The following CYP46A1 variants were observed in gnomAD, a reference collection of about 807,000 sequenced individuals.
CYP46A1 encodes the protein cytochrome P450 family 46 subfamily A member 1.
CYP46A1 carries 20 observed loss-of-function variants against 63.3 expected under a neutral mutation model. The observed-to-expected ratio is 0.32, with a 90% CI of 0.22 to 0.46. The LOEUF is 0.46. CYP46A1 is among the 20% of genes least tolerant of loss of function. The pLI, the probability that CYP46A1 is intolerant of heterozygous loss-of-function variation, is 1.00. For synonymous variants in CYP46A1, 268 were observed against 273.6 expected, an observed-to-expected ratio of 0.98 and a Z score of 0.20; for missense variants, 445 against 670.8, an observed-to-expected ratio of 0.66 and a Z score of 3.72.
chr14:99,708,281 C>A (rs1330825084), intron 7 of CYP46A1: 1 of 181,458 alleles, frequency 5.5e-6, no homozygotes, highest in East Asian at 1.8e-4. Context: ...CCACATGCAT[C>A]ATCCACGGGC....
chr14:99,684,897 C>A, intron 1 of CYP46A1: 1 of 365,678 alleles, frequency 2.7e-6, no homozygotes, highest in South Asian at 2.1e-5. Flanking sequence ...GGTCAGCCTG[C>A]CTCCAAAGTG....
At chr14:99,719,930 T>A (rs762984012) in intron 10 of CYP46A1, among the ~76,000 whole-genome samples, 13 of 151,750 alleles carry the variant, frequency 8.6e-5, no homozygotes, top group Non-Finnish European at 1.5e-4. Flanking sequence ...CCTGGCTAAT[T>A]TTTTTTGTAT....
chr14:99,691,812 A>G lies in CYP46A1; in HGVS notation c.233A>G (p.Asn78Ser), dbSNP rs917617855. 3.1e-6 allele frequency: 5 copies of G among 1,614,246 alleles called. No individual in the cohort carries two copies. Among genetic ancestry groups the G allele is most frequent in the African/African-American group, 1.3e-5 (1 of 75,062 alleles). Residue 78 changes from asparagine (N) to serine (S), a missense_variant, in exon 3 of 15, where the codon AAC (asparagine) becomes AGC (serine). By Grantham distance (46) the Asn-to-Ser change is conservative (BLOSUM62 1). Around this residue, in one of 4 missense-constraint regions of CYP46A1, gnomAD observed 252 missense variants for 383.3 expected, o/e 0.66. Transcript: ENST00000261835. ...AKKYGPVVRV[N>S]VFHKTSVIVT... is the part of the protein sequence containing the mutation. ...AAGTATGGACCTGTTGTGCGGGTCAACGTCTTCCACAAAACCTCAGTCATC... is the reference window on the plus strand; with the variant it reads ...AAGTATGGACCTGTTGTGCGGGTCAGCGTCTTCCACAAAACCTCAGTCATC...
At chr14:99,703,771 G>A (rs1243857931) in intron 5 of CYP46A1, 12 of 957,462 alleles carry the variant, frequency 1.3e-5, no homozygotes, top group Non-Finnish European at 1.2e-5. Flanking sequence ...TGAGTCCTGC[G>A]CCCAGCACCA....
intron 14 of CYP46A1, 144 bp from the exon 15 acceptor site, chr14:99,726,413 A>G: frequency 8.6e-7 from 1 of 1,164,972 alleles, no homozygotes; most frequent in East Asian, 2.6e-5. Flanking sequence ...TGTGTTTTGC[A>G]CGGAGGAGAG....
rs2056901718 is a variant in CYP46A1 at position 99,726,614 on chromosome 14, C to T, written c.1390C>T (p.Pro464Ser). 2 of 1,577,902 alleles carry T rather than the reference C, an allele frequency of 1.3e-6. No individual in the cohort carries two copies. Among genetic ancestry groups the T allele is most frequent in the South Asian group, 1.2e-5 (1 of 86,018 alleles). The change falls in exon 15 of 15, where the codon CCC becomes TCC. Residue 464 changes from proline to serine, a missense_variant. By Grantham distance (74) the Pro-to-Ser change is moderately conservative. Coordinates refer to ENST00000261835, the MANE Select transcript of CYP46A1 (RefSeq NM_006668.2). ...LLQRLEFRLV[P>S]GQRFGLQEQA... is the part of the protein sequence containing the mutation. ...GCAGAGGCTGGAGTTCCGGCTGGTG[C>T]CCGGGCAGCGCTTCGGGCTGCAGGA... is the stretch of plus-strand genomic sequence containing the variant.
At chr14:99,707,893 C>A in intron 7 of CYP46A1, 1 of 547,452 alleles carries the variant, frequency 1.8e-6, no homozygotes, top group Non-Finnish European at 3.3e-6. Flanking sequence ...TAATCTTTCT[C>A]TCATGTGAAA....
At chr14:99,689,874 C>T (rs962058126) in intron 1 of CYP46A1, among the ~76,000 whole-genome samples, 1 of 152,210 alleles carries the variant, frequency 6.6e-6, no homozygotes, top group Non-Finnish European at 1.5e-5. Context: ...CAGATCCCAT[C>T]TCTGCTCTGC....
intron 3 of CYP46A1, among the ~76,000 whole-genome samples, chr14:99,696,159 T>G (rs1051620949): frequency 1.3e-5 from 2 of 152,226 alleles, no homozygotes; most frequent in African/African-American, 4.8e-5. Flanking sequence ...ACCATGTTAC[T>G]GTTTGTTTTC....
intron 10 of CYP46A1, among the ~76,000 whole-genome samples, chr14:99,718,548 T>A (rs1429719211): frequency 6.6e-6 from 1 of 152,168 alleles, no homozygotes; most frequent in Non-Finnish European, 1.5e-5. Context: ...CCTGCTAAAT[T>A]GCCAAGAGCG....
At chr14:99,685,752 G>C (rs2056488543) in intron 1 of CYP46A1, among the ~76,000 whole-genome samples, 1 of 151,966 alleles carries the variant, frequency 6.6e-6, no homozygotes, top group Non-Finnish European at 1.5e-5. Context: ...GTTCAGGAAA[G>C]ATCTCTGTGG....
Position 99,716,118 on chromosome 14 carries a change from G to A in CYP46A1, c.845-19G>A, listed in dbSNP as rs1466616170. 6.2e-7 allele frequency: 1 copy of A among 1,614,056 alleles called. No individual in the cohort carries two copies. ...GGAGCAAAGATTTGCTGGGAACTGAGACTCTCCTTGTTTTTCAGCTGAAGA... is the reference window on the plus strand; with the variant it reads ...GGAGCAAAGATTTGCTGGGAACTGAAACTCTCCTTGTTTTTCAGCTGAAGA... On this transcript the variant is annotated intron_variant, in intron 8 of 14. Coordinates refer to ENST00000261835, the MANE Select transcript of CYP46A1 (RefSeq NM_006668.2).
Position 99,684,388 on chromosome 14 carries a change from C to CCCTGG in CYP46A1, c.-20_-16dup, listed in dbSNP as rs1477335567. On this transcript the variant is annotated 5_prime_UTR_variant, in exon 1 of 15. Transcript: ENST00000261835. The stretch of plus-strand genomic sequence containing the variant: ...CCGGCCCCCTCGGCGCCCGGCCCGA[C>CCCTGG]CCTGGCCTGGCCTGCCCTGCCCCGG... 11 of 1,368,114 alleles carry CCCTGG rather than the reference C, an allele frequency of 8.0e-6. No individual in the cohort carries two copies. Among genetic ancestry groups the CCCTGG allele is most frequent in the East Asian group, 3.3e-5 (1 of 30,378 alleles). 84.7% of individuals were successfully genotyped at this position (1,368,114 alleles called of 1,614,324 possible).
chr14:99,702,012 GTGAGC>G (rs1033676214), intron 5 of CYP46A1, among the ~76,000 whole-genome samples: 1 of 146,608 alleles, frequency 6.8e-6, no homozygotes, highest in African/African-American at 2.5e-5. Flanking sequence ...GGAGGTTGAA[GTGAGC>G]TGAGATCACT....
At chr14:99,703,699 A>T in intron 5 of CYP46A1, 1 of 970,346 alleles carries the variant, frequency 1.0e-6, no homozygotes, top group Non-Finnish European at 1.2e-6. Flanking sequence ...TAGTGCTTCC[A>T]TTCATGTCCA....
rs928201773 is a variant in CYP46A1 at position 99,721,941 on chromosome 14, T to C, written c.1066-15T>C. On this transcript the variant is annotated splice_polypyrimidine_tract_variant and intron_variant, in intron 11 of 14. Transcript: ENST00000261835. ...TCCCGACTCTCCTTGTTATCTCCCC[T>C]TGTGGCTTCTCTAGGTCCTCAAAGA... 7 of 1,605,260 alleles carry C rather than the reference T, an allele frequency of 4.4e-6. No homozygotes were observed. Among genetic ancestry groups the C allele is most frequent in the Middle Eastern group, 1.7e-4 (1 of 6,054 alleles).
intron 5 of CYP46A1, chr14:99,703,719 C>G (rs2056651237): frequency 2.1e-6 from 2 of 958,924 alleles, no homozygotes; most frequent in African/African-American, 1.8e-5. Flanking sequence ...ACCTCCCTCA[C>G]TAGACCACGG....
At chr14:99,695,528 C>T (rs1466367877) in intron 3 of CYP46A1, 2 of 322,312 alleles carry the variant, frequency 6.2e-6, no homozygotes, top group African/African-American at 4.4e-5. Context: ...CTCTTTTATC[C>T]TTAGAAATGT....
chr14:99,684,954 C>A (rs918459518), intron 1 of CYP46A1, among the ~76,000 whole-genome samples: 3 of 152,194 alleles, frequency 2.0e-5, no homozygotes, highest in African/African-American at 4.8e-5. Flanking sequence ...TGGATTGGAG[C>A]ACGCTGTACT....
Sources: gnomAD v4.1 joint callset for allele counts (sites outside exome capture counted in the v4.1 genomes callset) on GRCh38, gnomAD v4.1.1 for gene constraint, gnomAD v4.1.1 regional missense constraint, MANE v1.5 for transcripts, NCBI Gene and HGNC (gene_info 2026-07-23, HGNC 2026-07-21) for gene names.